Variants in LRRC69 observed in about 807,000 individuals in gnomAD.
LRRC69 encodes the protein leucine rich repeat containing 69, also known as leucine-rich repeat-containing protein 69.
LRRC69 carries 42 observed loss-of-function variants against 37.8 expected under a neutral mutation model. That is an observed-to-expected ratio of 1.11 (90% CI 0.87 to 1.44). The LOEUF (loss-of-function observed/expected upper bound fraction) is 1.44. Ranked by LOEUF, LRRC69 falls within the 40% of genes most tolerant of loss-of-function variation. The pLI is 0.00. For synonymous variants in LRRC69, 141 were observed against 143.1 expected, an observed-to-expected ratio of 0.99 and a Z score of 0.11; for missense variants, 357 against 401.9, an observed-to-expected ratio of 0.89 and a Z score of 0.96.
At chr8:91,104,936 A>G (rs1404168613) in intron 1 of LRRC69, among the ~76,000 whole-genome samples, 1 of 152,110 alleles carries the variant, frequency 6.6e-6, no homozygotes, top group Non-Finnish European at 1.5e-5. Context: ...GAGTCTGATT[A>G]TCATTACATT....
At chr8:91,200,702 CATG>C (rs1175303086) in exon 7 of LRRC69, 1 of 1,533,354 alleles carries the variant, frequency 6.5e-7, no homozygotes, top group Non-Finnish European at 8.8e-7. Flanking sequence ...AAGTCAGGAG[CATG>C]ATCTCTCAGG....
chr8:91,203,966 C>CA (rs1809755159), intron 7 of LRRC69, among the ~76,000 whole-genome samples: 1 of 151,240 alleles, frequency 6.6e-6, no homozygotes, highest in Admixed American at 6.6e-5. Context: ...AAAAAAAATA[C>CA]AAAAAATTAG....
intron 5 of LRRC69, among the ~76,000 whole-genome samples, chr8:91,169,344 C>A (rs1303020617): frequency 1.3e-5 from 2 of 151,738 alleles, no homozygotes; most frequent in Non-Finnish European, 2.9e-5. Context: ...TGTATACCAA[C>A]CTCCATGAAA....
chr8:91,181,137 G>A (rs1200829982), intron 5 of LRRC69, among the ~76,000 whole-genome samples: 3 of 152,062 alleles, frequency 2.0e-5, no homozygotes, highest in Admixed American at 2.0e-4. Context: ...TGAAAAGAAT[G>A]AATTAAGATT....
chr8:91,111,546 T>C (rs1248185338), intron 1 of LRRC69, among the ~76,000 whole-genome samples: 2 of 151,584 alleles, frequency 1.3e-5, no homozygotes, highest in Non-Finnish European at 2.9e-5. Flanking sequence ...AAAAAATAAA[T>C]AGAAAAATAA....
At chr8:91,160,779 G>C (rs1808925577) in intron 5 of LRRC69, among the ~76,000 whole-genome samples, 2 of 151,186 alleles carry the variant, frequency 1.3e-5, no homozygotes, top group African/African-American at 4.8e-5. Context: ...CTTTATAGCA[G>C]TGTGAGAATG....
intron 5 of LRRC69, among the ~76,000 whole-genome samples, chr8:91,136,880 G>A (rs756902337): frequency 1.3e-5 from 2 of 151,954 alleles, no homozygotes; most frequent in African/African-American, 2.4e-5. Context: ...TATACCATGT[G>A]TCAGAGTTTC....
intron 1 of LRRC69, among the ~76,000 whole-genome samples, chr8:91,119,318 C>T (rs1212231183): frequency 1.3e-5 from 2 of 152,030 alleles, no homozygotes; most frequent in Non-Finnish European, 2.9e-5. Context: ...AATGCTACTA[C>T]CTAGTCTTTA....
chr8:91,160,556 T>G (rs897526616), intron 5 of LRRC69, among the ~76,000 whole-genome samples: 9 of 151,128 alleles, frequency 6.0e-5, no homozygotes, highest in Non-Finnish European at 1.3e-4. Context: ...CTTGTGATAG[T>G]GAGTTCTTAT....
At chr8:91,112,316 A>G (rs772175556) in intron 1 of LRRC69, among the ~76,000 whole-genome samples, 1 of 151,964 alleles carries the variant, frequency 6.6e-6, no homozygotes, top group Non-Finnish European at 1.5e-5. Context: ...TCTGTGGCCC[A>G]AACATGCCCA....
chr8:91,195,079 T>C (rs1008897453), intron 6 of LRRC69, among the ~76,000 whole-genome samples: 5 of 152,236 alleles, frequency 3.3e-5, no homozygotes, highest in Admixed American at 6.5e-5. Context: ...ACATCTTTAT[T>C]TCTGCCTTCA....
Position 91,141,361 on chromosome 8 carries a change from GT to G in LRRC69, c.651+5624del, listed in dbSNP as rs1387243503. On this transcript the variant is annotated intron_variant, in intron 5 of 7. Coordinates refer to ENST00000448384, the Ensembl canonical transcript of LRRC69. Reference sequence around the variant, plus strand: ...AATCCATATGACCTCATTTTAACTAGTTACATCTGCAAAGACTCTGTTTCCA... The same window carrying G: ...AATCCATATGACCTCATTTTAACTAGTACATCTGCAAAGACTCTGTTTCCA... Among the ~76,000 whole-genome samples the G allele has an allele frequency of 2.0e-5, 3 of 152,056 alleles. No individual in the cohort carries two copies. In the East Asian group the frequency reaches 5.8e-4, roughly 29 times the overall value.
intron 1 of LRRC69, among the ~76,000 whole-genome samples, chr8:91,105,861 G>A (rs1813303440): frequency 6.6e-6 from 1 of 151,952 alleles, no homozygotes; most frequent in Non-Finnish European, 1.5e-5. Flanking sequence ...AGGACCATCT[G>A]TGTCTCAGGC....
chr8:91,212,016 G>A (rs1241727405), intron 7 of LRRC69, among the ~76,000 whole-genome samples: 1 of 152,044 alleles, frequency 6.6e-6, no homozygotes, highest in Non-Finnish European at 1.5e-5. Flanking sequence ...TATCAATCTT[G>A]ATCATAATTA....
chr8:91,160,467 G>T (rs1808919858), intron 5 of LRRC69, among the ~76,000 whole-genome samples: 1 of 151,018 alleles, frequency 6.6e-6, no homozygotes, highest in Non-Finnish European at 1.5e-5. Flanking sequence ...ATCTCATGTT[G>T]AATTGTAATC....
chr8:91,200,422 A>C (rs1181602278), intron 6 of LRRC69, among the ~76,000 whole-genome samples, 191 bp from the exon 7 acceptor site: 1 of 152,208 alleles, frequency 6.6e-6, no homozygotes, highest in Non-Finnish European at 1.5e-5. Flanking sequence ...TATTGTTCTT[A>C]TATTGATGAA....
intron 1 of LRRC69, among the ~76,000 whole-genome samples, chr8:91,103,937 C>T (rs1419757171): frequency 6.6e-6 from 1 of 151,690 alleles, no homozygotes; most frequent in Admixed American, 6.6e-5. Context: ...CATTGGTTAC[C>T]GAGAATTAAA....
At chr8:91,140,639 A>ATTTTTTTTTTT (rs71266165) in intron 5 of LRRC69, among the ~76,000 whole-genome samples, 2 of 23,250 alleles carry the variant, frequency 8.6e-5, no homozygotes, top group African/African-American at 2.3e-4. Context: ...TCAATATGTG[A>ATTTTTTTTTTT]TTTTTTTTTT....
At chr8:91,127,436 GTTC>G (rs1813736570) in intron 3 of LRRC69, among the ~76,000 whole-genome samples, 1 of 151,770 alleles carries the variant, frequency 6.6e-6, no homozygotes, top group Non-Finnish European at 1.5e-5. Flanking sequence ...CAACTCTGAG[GTTC>G]TTGGAGCTTG....
Sources: allele counts gnomAD v4.1 joint callset (sites outside exome capture counted in the v4.1 genomes callset), GRCh38; gene constraint gnomAD v4.1.1; transcripts MANE v1.5; gene names NCBI Gene and HGNC (gene_info 2026-07-23, HGNC 2026-07-21).